The following BICD1 variants were observed in gnomAD, a reference collection of about 807,000 sequenced individuals.
BICD1 encodes BICD cargo adaptor 1.
In BICD1, 35 loss-of-function variants were observed where a neutral mutation model predicts 92.5. The observed-to-expected ratio is 0.38, with a 90% CI of 0.29 to 0.50. The LOEUF (loss-of-function observed/expected upper bound fraction) is 0.50. BICD1 is among the 20% of genes least tolerant of loss of function. BICD1 has a pLI of 0.93. For missense variants in BICD1, 950 were observed against 1,189.8 expected (o/e 0.80, Z 2.97); for synonymous variants, 429 against 465.1 (o/e 0.92, Z 1.00).
intron 3 of BICD1, among the ~76,000 whole-genome samples, chr12:32,298,112 G>T (rs1350968687): frequency 6.6e-6 from 1 of 151,782 alleles, no homozygotes; most frequent in Non-Finnish European, 1.5e-5. Flanking sequence ...GAGCCTGGGA[G>T]GCTGAGGCTG....
chr12:32,342,202 GTGTATATATATATATATATATA>G (rs1471138464), intron 8 of BICD1, among the ~76,000 whole-genome samples: 2 of 98,460 alleles, frequency 2.0e-5, no homozygotes, highest in Admixed American at 1.1e-4. Flanking sequence ...ATGTGTGTGT[GTGTATATATATATATATATATA>G]TATATATATG....
intron 5 of BICD1, among the ~76,000 whole-genome samples, chr12:32,331,723 A>G (rs1444951006): frequency 6.6e-6 from 1 of 152,154 alleles, no homozygotes; most frequent in African/African-American, 2.4e-5. Flanking sequence ...CAGATTTTGA[A>G]GCATTTTGGA....
rs1232726298 is a variant in BICD1 at position 32,106,944 on chromosome 12, T to C, written c.-388T>C. Reference sequence around the variant, plus strand: ...CGCCAGACCCAGGGCGAGACTGCAGTGACGCGGCCCGGGAGACATGGCGGA... The same window carrying C: ...CGCCAGACCCAGGGCGAGACTGCAGCGACGCGGCCCGGGAGACATGGCGGA... On this transcript the variant is annotated 5_prime_UTR_variant, in exon 1 of 10. Transcript: ENST00000652176. 3 of 215,206 alleles carry C rather than the reference T, an allele frequency of 1.4e-5. No homozygotes were observed. The East Asian group carries it at 3.9e-4, about 28-fold the overall frequency. 13.3% of individuals were successfully genotyped at this position (215,206 alleles called of 1,614,324 possible).
chr12:32,212,740 T>C (rs1945254436), intron 1 of BICD1, among the ~76,000 whole-genome samples: 2 of 152,168 alleles, frequency 1.3e-5, no homozygotes, highest in South Asian at 4.1e-4. Flanking sequence ...ACATTTTAAA[T>C]TTCAAAATGT....
chr12:32,275,733 G>A (rs1265827658), intron 2 of BICD1, among the ~76,000 whole-genome samples: 3 of 151,756 alleles, frequency 2.0e-5, no homozygotes, highest in Admixed American at 6.6e-5. Flanking sequence ...CAGGGTGTCC[G>A]CTGTGCTCCT....
chr12:32,135,072 C>A (rs1259410336), intron 1 of BICD1, among the ~76,000 whole-genome samples: 1 of 101,680 alleles, frequency 9.8e-6, no homozygotes, highest in Non-Finnish European at 1.9e-5. Context: ...CTCCCCTCCC[C>A]TTCCCCGCTC....
chr12:32,312,986 A>C (rs1307802935), intron 4 of BICD1, among the ~76,000 whole-genome samples: 1 of 152,206 alleles, frequency 6.6e-6, no homozygotes, highest in Non-Finnish European at 1.5e-5. Context: ...TCTGTCTGGA[A>C]ATACTAACTA....
chr12:32,302,773 T>C (rs1366406338), intron 3 of BICD1, among the ~76,000 whole-genome samples: 4 of 152,014 alleles, frequency 2.6e-5, no homozygotes, highest in Non-Finnish European at 2.9e-5. Context: ...GTAGAACAAT[T>C]AGCACTTTCT....
intron 4 of BICD1, among the ~76,000 whole-genome samples, chr12:32,326,010 G>A (rs1013770889): frequency 1.4e-4 from 21 of 150,230 alleles, no homozygotes; most frequent in Non-Finnish European, 2.7e-4. Context: ...GTGAACCTGG[G>A]AGGCAGAGCT....
intron 2 of BICD1, among the ~76,000 whole-genome samples, chr12:32,221,817 G>A (rs1370670731): frequency 6.6e-6 from 1 of 152,064 alleles, no homozygotes; most frequent in Non-Finnish European, 1.5e-5. Context: ...CCAATAATAG[G>A]CAGAGTGAAG....
At chr12:32,160,188 C>T (rs1305629453) in intron 1 of BICD1, among the ~76,000 whole-genome samples, 1 of 152,216 alleles carries the variant, frequency 6.6e-6, no homozygotes, top group African/African-American at 2.4e-5. Context: ...TGGAATAGCT[C>T]ACTCTGGATA....
intron 4 of BICD1, among the ~76,000 whole-genome samples, chr12:32,316,182 C>T (rs1243549853): frequency 1.3e-5 from 2 of 151,480 alleles, no homozygotes; most frequent in African/African-American, 2.4e-5. Flanking sequence ...TTTTGCCCAA[C>T]TGTAGGCTAA....
Position 32,107,281 on chromosome 12 carries a change from C to A in BICD1, c.-51C>A. 1 of 1,475,120 alleles carries A rather than the reference C, an allele frequency of 6.8e-7. No homozygotes were observed. 91.4% of individuals were successfully genotyped at this position (1,475,120 alleles called of 1,614,324 possible). On this transcript the variant is annotated 5_prime_UTR_variant, in exon 1 of 10. Transcript: ENST00000652176. The stretch of plus-strand genomic sequence containing the variant: ...CTTCTCCCTTTCCCCGCCAGCTTCG[C>A]ATCCATCTCCCCCACCCCGTAACCC...
At chr12:32,343,862 C>T (rs771175745) in intron 8 of BICD1, among the ~76,000 whole-genome samples, 38 of 152,214 alleles carry the variant, frequency 2.5e-4, no homozygotes, top group Admixed American at 3.9e-4. Flanking sequence ...CTGACATGTT[C>T]ATAGTAAAAA....
chr12:32,317,632 T>C (rs1018987512), intron 4 of BICD1, among the ~76,000 whole-genome samples: 1 of 152,228 alleles, frequency 6.6e-6, no homozygotes, highest in African/African-American at 2.4e-5. Context: ...GATGAGTAGG[T>C]TGCAAAAATT....
intron 2 of BICD1, among the ~76,000 whole-genome samples, chr12:32,235,764 G>A (rs1012912377): frequency 2.7e-5 from 4 of 149,200 alleles, no homozygotes; most frequent in African/African-American, 7.4e-5. Context: ...GCAGTGGTGC[G>A]ATCTTGGCTC....
chr12:32,341,463 CAA>C (rs36000130), intron 8 of BICD1, among the ~76,000 whole-genome samples: 3 of 121,684 alleles, frequency 2.5e-5, no homozygotes, highest in Non-Finnish European at 3.6e-5. Flanking sequence ...GACACTGTCT[CAA>C]AAAAAAAAAA....
rs145280733 is a variant in BICD1 at position 32,107,362 on chromosome 12, G to A, written c.31G>A (p.Asp11Asn). The A allele has an allele frequency of 2.7e-5, 43 of 1,609,068 alleles. No homozygotes were observed. In the African/African-American group the frequency reaches 4.9e-4, roughly 18 times the overall value. Reference protein sequence around the residue: MAAEEVLQTVDHYKTEIERLT... With the variant: MAAEEVLQTVNHYKTEIERLT... ...CGCAGAAGAGGTATTGCAGACGGTG[G>A]ACCATTATAAGACTGAGATAGAGAG... Residue 11 changes from aspartate to asparagine, a missense_variant, in exon 1 of 10, where the codon GAC (aspartate) becomes AAC (asparagine). Transcript: ENST00000652176.
At chr12:32,371,576 G>GC (rs1939741156) in intron 9 of BICD1, among the ~76,000 whole-genome samples, 1 of 151,718 alleles carries the variant, frequency 6.6e-6, no homozygotes, top group Non-Finnish European at 1.5e-5. Context: ...TAGTTTTTTG[G>GC]CGTTTTTTTG....
Sources: allele counts gnomAD v4.1 joint callset (sites outside exome capture counted in the v4.1 genomes callset), GRCh38; gene constraint gnomAD v4.1.1; transcripts MANE v1.5; gene names NCBI Gene and HGNC (gene_info 2026-07-23, HGNC 2026-07-21).